CCDC69: variants seen among roughly 807,000 people sequenced by gnomAD.
CCDC69 encodes coiled-coil domain containing 69, also known as coiled-coil domain-containing protein 69.
CCDC69 carries 38 observed loss-of-function variants against 40.3 expected under a neutral mutation model. The ratio of observed to expected loss-of-function variants is 0.94; its 90% CI spans 0.73 to 1.24. CCDC69 has a LOEUF of 1.24. Among genes scored for constraint, CCDC69 ranks in the 50% most tolerant of loss-of-function variants. The pLI, the probability that CCDC69 is intolerant of heterozygous loss-of-function variation, is 0.00. For missense variants in CCDC69, 389 were observed against 357.9 expected, an observed-to-expected ratio of 1.09 and a Z score of -0.70; for synonymous variants, 141 against 138.9, an observed-to-expected ratio of 1.02 and a Z score of -0.11.
chr5:151,203,858 A>G (rs1346605344), intron 2 of CCDC69, among the ~76,000 whole-genome samples: 1 of 140,776 alleles, frequency 7.1e-6, no homozygotes. Context: ...TATATAGTAT[A>G]TATATAAAAT....
chr5:151,192,367 T>C (rs1752626418), intron 4 of CCDC69, among the ~76,000 whole-genome samples: 1 of 151,162 alleles, frequency 6.6e-6, no homozygotes, highest in Non-Finnish European at 1.5e-5. Flanking sequence ...ACAGCAGATA[T>C]ATGAAATGAT....
intron 3 of CCDC69, 104 bp downstream of exon 3, chr5:151,201,478 G>T: frequency 1.4e-6 from 1 of 692,970 alleles, no homozygotes; most frequent in East Asian, 2.6e-5. Context: ...ATGAGTAAGG[G>T]ACTCTTACAA....
chr5:151,181,247 T>G lies in CCDC69; in HGVS notation c.*2190A>C, dbSNP rs903973833. 6.6e-6 allele frequency: 1 copy of G among 152,226 alleles called. No homozygotes were observed. Among genetic ancestry groups the G allele is most frequent in the African/African-American group, 2.4e-5 (1 of 41,420 alleles). The allele number at this position is 152,226 out of a possible 1,614,324, so 9.4% of individuals were successfully genotyped here. On this transcript the variant is annotated 3_prime_UTR_variant, in exon 9 of 9. Coordinates refer to ENST00000355417, the MANE Select transcript of CCDC69 (RefSeq NM_015621.3). ...TTTTCTTTTTTTTGAGACGGAGTCT[T>G]GCTCTGTCACCCGGGCTGGAGTGCA...
intron 1 of CCDC69, among the ~76,000 whole-genome samples, chr5:151,217,447 G>C (rs114401453): frequency 3.3e-5 from 5 of 152,164 alleles, no homozygotes; most frequent in Non-Finnish European, 7.4e-5. Context: ...TTAACCTTGC[G>C]ATATGAAAGT....
At chr5:151,214,832 A>C (rs1478271602) in intron 1 of CCDC69, among the ~76,000 whole-genome samples, 1 of 152,156 alleles carries the variant, frequency 6.6e-6, no homozygotes, top group East Asian at 1.9e-4. Context: ...ATACCCCTGC[A>C]CCTGGTGAGC....
chr5:151,185,306 G>T, intron 7 of CCDC69, 116 bp downstream of exon 7: 1 of 1,196,928 alleles, frequency 8.4e-7, no homozygotes, highest in Non-Finnish European at 1.2e-6. Context: ...GGTCAAAGCT[G>T]GAGTGAACTA....
intron 6 of CCDC69, among the ~76,000 whole-genome samples, chr5:151,185,770 A>C (rs944127437): frequency 2.0e-5 from 3 of 152,226 alleles, no homozygotes; most frequent in Non-Finnish European, 4.4e-5. Flanking sequence ...ACTTGTGCTA[A>C]GTGGCAGGTT....
chr5:151,218,585 G>C (rs1026943327), intron 1 of CCDC69, among the ~76,000 whole-genome samples: 1 of 152,216 alleles, frequency 6.6e-6, no homozygotes, highest in Non-Finnish European at 1.5e-5. Flanking sequence ...GCAGGTCTCA[G>C]ACTTCTGTTC....
At chr5:151,210,451 G>A (rs907991893) in intron 1 of CCDC69, among the ~76,000 whole-genome samples, 3 of 152,076 alleles carry the variant, frequency 2.0e-5, no homozygotes, top group African/African-American at 7.2e-5. Flanking sequence ...AGCTGAGGCA[G>A]GAGAATTGCT....
At chr5:151,190,381 T>C (rs3097799) in intron 4 of CCDC69, among the ~76,000 whole-genome samples, 98,459 of 152,004 alleles carry the variant, frequency 0.65, 32,336 homozygotes, top group Admixed American at 0.77. Flanking sequence ...AATAGCAATT[T>C]CAGGCCGGGC....
chr5:151,193,209 A>T (rs1190034568), intron 4 of CCDC69, among the ~76,000 whole-genome samples: 1 of 152,112 alleles, frequency 6.6e-6, no homozygotes, highest in Non-Finnish European at 1.5e-5. Flanking sequence ...AATCCACTAT[A>T]TTAACCATCT....
rs186497600 is a variant in CCDC69 at position 151,222,696 on chromosome 5, T to A, written c.48+1227A>T. ...AGGCTCAGGTCTCTCCGCCTTGTCATCCCTGTCAGCCAGCCCCTTCCTTCT... is the reference window on the plus strand; with the variant it reads ...AGGCTCAGGTCTCTCCGCCTTGTCAACCCTGTCAGCCAGCCCCTTCCTTCT... On this transcript the variant is annotated intron_variant, in intron 1 of 8. Transcript: ENST00000355417. 1.2e-4 allele frequency among the ~76,000 whole-genome samples: 18 copies of A among 152,306 alleles called. No homozygotes were observed. The East Asian group carries it at 3.5e-3, about 29-fold the overall frequency.
intron 7 of CCDC69, 164 bp from the exon 8 acceptor site, chr5:151,184,605 A>G (rs1351589154): frequency 1.8e-6 from 1 of 558,098 alleles, no homozygotes; most frequent in African/African-American, 1.9e-5. Context: ...AAAACTAAAA[A>G]GTTAACAAAG....
At chr5:151,212,602 T>G (rs1486881860) in intron 1 of CCDC69, among the ~76,000 whole-genome samples, 1 of 152,122 alleles carries the variant, frequency 6.6e-6, no homozygotes, top group East Asian at 1.9e-4. Flanking sequence ...TACTCTCATT[T>G]TAGAGGGTAA....
intron 1 of CCDC69, among the ~76,000 whole-genome samples, chr5:151,208,360 A>C (rs1261063789): frequency 6.6e-6 from 1 of 152,250 alleles, no homozygotes; most frequent in Non-Finnish European, 1.5e-5. Flanking sequence ...ATACTTCTAG[A>C]AAGCATGCTT....
intron 3 of CCDC69, 131 bp downstream of exon 3, chr5:151,201,451 A>G: frequency 1.7e-6 from 1 of 603,592 alleles, no homozygotes; most frequent in Non-Finnish European, 3.0e-6. Context: ...CAGATAAAGG[A>G]CTCCCTTCCT....
intron 2 of CCDC69, among the ~76,000 whole-genome samples, chr5:151,203,344 C>T (rs1752802161): frequency 6.6e-6 from 1 of 150,862 alleles, no homozygotes; most frequent in Non-Finnish European, 1.5e-5. Context: ...CCGTCTCTAC[C>T]AAAAATACAA....
intron 4 of CCDC69, among the ~76,000 whole-genome samples, chr5:151,193,609 A>G (rs1752653600): frequency 6.6e-6 from 1 of 152,094 alleles, no homozygotes; most frequent in African/African-American, 2.4e-5. Flanking sequence ...AGACCACATG[A>G]TTATATGGAT....
rs961073686 is a variant in CCDC69 at position 151,205,418 on chromosome 5, G to A, written c.106C>T (p.Pro36Ser). The change falls in exon 2 of 9, where the codon CCC (proline) becomes TCC (serine). Residue 36 changes from proline (P) to serine (S), a missense_variant. Physicochemically the swap from Pro to Ser is moderately conservative, Grantham distance 74 (BLOSUM62 -1). Transcript: ENST00000355417. ...TACTCACCTGTGTCCCCATTGAGGGGACCTAATTCATGGGGCTCTGGTCTG... is the reference window on the plus strand; with the variant it reads ...TACTCACCTGTGTCCCCATTGAGGGAACCTAATTCATGGGGCTCTGGTCTG... The part of the protein sequence containing the change: ...PPRPEPHELG[P>S]LNGDTAITVQ... The A allele has an allele frequency of 1.9e-5, 31 of 1,613,992 alleles. No individual in the cohort carries two copies. Among genetic ancestry groups the A allele is most frequent in the Non-Finnish European group, 2.5e-5 (29 of 1,179,996 alleles).
Sources: gnomAD v4.1 joint callset for allele counts (sites outside exome capture counted in the v4.1 genomes callset) on GRCh38, gnomAD v4.1.1 for gene constraint, MANE v1.5 for transcripts, NCBI Gene and HGNC (gene_info 2026-07-23, HGNC 2026-07-21) for gene names.